DYM: variants seen among roughly 807,000 people sequenced by gnomAD.
The protein encoded by DYM is dyggve-Melchior-Clausen syndrome protein.
In DYM, 78 loss-of-function variants were observed where a neutral mutation model predicts 93.1. That is an observed-to-expected ratio of 0.84 (90% CI 0.70 to 1.01). The LOEUF (loss-of-function observed/expected upper bound fraction) is 1.01. DYM is among the 50% of genes least tolerant of loss of function. The probability of loss-of-function intolerance (pLI) is 0.00; values close to 1 mark genes in which losing one functional copy is unlikely to be tolerated. For missense variants in DYM, 789 were observed against 845.0 expected, an observed-to-expected ratio of 0.93 and a Z score of 0.82; for synonymous variants, 321 against 319.7, an observed-to-expected ratio of 1.00 and a Z score of -0.04.
At chr18:49,156,278 G>A (rs1489611981) in intron 15 of DYM, among the ~76,000 whole-genome samples, 2 of 152,182 alleles carry the variant, frequency 1.3e-5, no homozygotes, top group Admixed American at 6.5e-5. Flanking sequence ...CCAACAAGAT[G>A]CTCAGTTGGC....
chr18:49,394,099 A>G (rs2069737914), intron 2 of DYM, among the ~76,000 whole-genome samples: 1 of 152,216 alleles, frequency 6.6e-6, no homozygotes, highest in South Asian at 2.1e-4. Context: ...TTAATGCCAC[A>G]GAACTATATA....
intron 1 of DYM, chr18:49,431,826 T>C (rs1300283264): frequency 1.3e-5 from 2 of 151,972 alleles, no homozygotes; most frequent in Non-Finnish European, 2.9e-5. Context: ...TCCCCGATGA[T>C]GCACATGGAC....
chr18:49,437,310 A>C (rs1160577964), intron 1 of DYM, among the ~76,000 whole-genome samples: 1 of 151,976 alleles, frequency 6.6e-6, no homozygotes, highest in Admixed American at 6.6e-5. Flanking sequence ...TGCTATTCCC[A>C]CTCATCAATA....
chr18:49,060,211 C>G (rs891564129), intron 17 of DYM, among the ~76,000 whole-genome samples: 1 of 152,186 alleles, frequency 6.6e-6, no homozygotes. Flanking sequence ...TGCCCAGGAC[C>G]TCTGAGCTTC....
chr18:49,330,694 A>G (rs1010038167), intron 8 of DYM, among the ~76,000 whole-genome samples: 3 of 152,224 alleles, frequency 2.0e-5, no homozygotes, highest in Non-Finnish European at 4.4e-5. Flanking sequence ...TTAAATACTT[A>G]TACCAGTTTA....
chr18:49,122,374 T>TA (rs1317668484), intron 15 of DYM, among the ~76,000 whole-genome samples: 1 of 151,250 alleles, frequency 6.6e-6, no homozygotes, highest in African/African-American at 2.4e-5. Context: ...ACCTGAAAGA[T>TA]ACAGAGAAAT....
intron 5 of DYM, among the ~76,000 whole-genome samples, chr18:49,367,375 C>T (rs2066617106): frequency 6.6e-6 from 1 of 152,174 alleles, no homozygotes. Flanking sequence ...TATCTAGGGT[C>T]CCTTAAGGTT....
chr18:49,285,521 C>T (rs3794821), intron 9 of DYM, among the ~76,000 whole-genome samples: 14,293 of 152,212 alleles, frequency 0.094, 872 homozygotes, highest in East Asian at 0.31. Flanking sequence ...TAGGTTTAGA[C>T]TGCTTAGATA....
At chr18:49,459,757 A>G (rs1287819915) in intron 1 of DYM, among the ~76,000 whole-genome samples, 1 of 151,748 alleles carries the variant, frequency 6.6e-6, no homozygotes, top group East Asian at 1.9e-4. Context: ...CCACACCAAT[A>G]CCCTCAAACC....
At chr18:49,135,256 A>T (rs938724820) in intron 15 of DYM, among the ~76,000 whole-genome samples, 17 of 152,316 alleles carry the variant, frequency 1.1e-4, no homozygotes, top group African/African-American at 3.6e-4. Flanking sequence ...GACACAAAAA[A>T]CTACTGTCAT....
chr18:49,209,027 T>A (rs2092659515), intron 14 of DYM, among the ~76,000 whole-genome samples: 1 of 152,248 alleles, frequency 6.6e-6, no homozygotes, highest in Non-Finnish European at 1.5e-5. Context: ...TGATTTTATA[T>A]GATTTTATAG....
In DYM at chr18:49,038,220, T is replaced by C. The variant is rs1199859698; in HGVS notation, c.*5835A>G. On this transcript the variant is annotated 3_prime_UTR_variant, in exon 18 of 18. Transcript: ENST00000675505. ...TGGTGTCCTACATACATCCGTTTGG[T>C]TTGCTCATTTCATTGCTTAAATCTT... 6.6e-6 allele frequency among the ~76,000 whole-genome samples: 1 copy of C among 152,248 alleles called. No individual in the cohort carries two copies. Among genetic ancestry groups the C allele is most frequent in the African/African-American group, 2.4e-5 (1 of 41,452 alleles).
intron 1 of DYM, among the ~76,000 whole-genome samples, chr18:49,454,856 C>T (rs959589249): frequency 1.4e-5 from 2 of 147,204 alleles, no homozygotes; most frequent in Non-Finnish European, 3.0e-5. Context: ...TGCAGTGAGC[C>T]GAGATCGCGC....
chr18:49,240,457 TGAGA>T (rs1305188144), intron 13 of DYM, among the ~76,000 whole-genome samples: 1 of 152,208 alleles, frequency 6.6e-6, no homozygotes, highest in Non-Finnish European at 1.5e-5. Context: ...TTTAGTCATT[TGAGA>T]GATATTGGTT....
In DYM at chr18:49,113,639, G is replaced by A. The variant is rs556773223; in HGVS notation, c.1911+5105C>T. 1.1e-4 allele frequency among the ~76,000 whole-genome samples: 16 copies of A among 152,216 alleles called. No homozygotes were observed. The East Asian group carries it at 2.9e-3, about 28-fold the overall frequency. ...CTTTTTTCTTCTACAGTCTTTCACA[G>A]AGTTAACTTCTGAAGGTTAACTCTA... is the stretch of plus-strand genomic sequence containing the variant. On this transcript the variant is annotated intron_variant, in intron 16 of 17. Transcript: ENST00000675505.
intron 14 of DYM, among the ~76,000 whole-genome samples, chr18:49,183,005 C>T (rs573955600): frequency 2.6e-5 from 4 of 152,246 alleles, no homozygotes; most frequent in East Asian, 3.9e-4. Context: ...AGATATTTTA[C>T]GTAGAAACTT....
chr18:49,066,073 C>T (rs149797178), intron 17 of DYM, among the ~76,000 whole-genome samples: 5 of 152,036 alleles, frequency 3.3e-5, no homozygotes, highest in African/African-American at 9.6e-5. Context: ...CCGAAAAGTT[C>T]CCAAGTGTAA....
At chr18:49,105,960 C>G (rs544146257) in intron 16 of DYM, among the ~76,000 whole-genome samples, 2 of 152,186 alleles carry the variant, frequency 1.3e-5, no homozygotes, top group South Asian at 2.1e-4. Context: ...TCCTGGATAT[C>G]CTTGTTAACT....
At chr18:49,202,379 A>G (rs957884035) in intron 14 of DYM, among the ~76,000 whole-genome samples, 1 of 151,066 alleles carries the variant, frequency 6.6e-6, no homozygotes, top group African/African-American at 2.4e-5. Context: ...TTGGCCTCCC[A>G]AAGTGCCGAG....
Sources: gnomAD v4.1 joint callset for allele counts (sites outside exome capture counted in the v4.1 genomes callset) on GRCh38, gnomAD v4.1.1 for gene constraint, MANE v1.5 for transcripts, NCBI Gene and HGNC (gene_info 2026-07-23, HGNC 2026-07-21) for gene names.